The following LDHAL6A variants were observed in gnomAD, a reference collection of about 807,000 sequenced individuals.
LDHAL6A encodes the protein lactate dehydrogenase A like 6A.
Under a neutral mutation model 28.2 loss-of-function variants are expected in LDHAL6A, and 19 were observed. The ratio of observed to expected loss-of-function variants is 0.67; its 90% CI spans 0.47 to 0.99. The LOEUF is 0.99. LDHAL6A is among the 50% of genes least tolerant of loss of function. The pLI is 0.00. For synonymous variants in LDHAL6A, 144 were observed against 134.4 expected, an observed-to-expected ratio of 1.07 and a Z score of -0.49; for missense variants, 372 against 398.6, an observed-to-expected ratio of 0.93 and a Z score of 0.57.
intron 1 of LDHAL6A, among the ~76,000 whole-genome samples, chr11:18,461,198 G>A (rs1347618044): frequency 6.6e-6 from 1 of 150,846 alleles, no homozygotes; most frequent in Non-Finnish European, 1.5e-5. Flanking sequence ...AGGCTGGAGT[G>A]CAGTGGCGCG....
intron 1 of LDHAL6A, 52 bp downstream of exon 1, chr11:18,456,858 A>G (rs1424514056): frequency 9.5e-6 from 15 of 1,577,574 alleles, no homozygotes; most frequent in African/African-American, 1.4e-5. Flanking sequence ...AGGCGAGGCC[A>G]CAGCGTATGG....
At chr11:18,466,862 C>T (rs185655088) in intron 3 of LDHAL6A, among the ~76,000 whole-genome samples, 7 of 152,164 alleles carry the variant, frequency 4.6e-5, no homozygotes, top group African/African-American at 9.6e-5. Context: ...AAATAGACTT[C>T]GGAGATAAAA....
chr11:18,471,042 C>A (rs1191395095), intron 3 of LDHAL6A, among the ~76,000 whole-genome samples: 1 of 151,918 alleles, frequency 6.6e-6, no homozygotes, highest in Non-Finnish European at 1.5e-5. Flanking sequence ...TATTTTCAGA[C>A]TTTTAGTTTA....
chr11:18,460,858 A>G (rs1848883667), intron 1 of LDHAL6A, among the ~76,000 whole-genome samples: 1 of 152,044 alleles, frequency 6.6e-6, no homozygotes. Flanking sequence ...TTTTTCTGAG[A>G]GGGAGTCTCA....
chr11:18,476,550 A>T, intron 5 of LDHAL6A, 49 bp downstream of exon 5: 1 of 1,595,094 alleles, frequency 6.3e-7, no homozygotes, highest in Non-Finnish European at 8.5e-7. Flanking sequence ...TGTGAGCCTG[A>T]ACTCTGTTAG....
intron 1 of LDHAL6A, among the ~76,000 whole-genome samples, chr11:18,459,950 A>G (rs866416908): frequency 1.3e-5 from 2 of 152,262 alleles, no homozygotes; most frequent in African/African-American, 4.8e-5. Context: ...AGGAAGACAT[A>G]GGAATAAAGT....
At position 18,478,816 on chromosome 11, in the gene LDHAL6A, C is replaced by CTT; in HGVS notation, c.946_947dup (p.Leu316PhefsTer22). On this transcript the variant is annotated frameshift_variant, in exon 7 of 7. Transcript: ENST00000280706. LOFTEE classifies it high-confidence loss of function. ...AACTGACTCTTGAAGAGGAGGCCTGCTTGCAAAAGAGTGCAGAAACACTTT... is the reference window on the plus strand; with the variant it reads ...AACTGACTCTTGAAGAGGAGGCCTGCTTTTGCAAAAGAGTGCAGAAACACTTT... The CTT allele has an allele frequency of 6.2e-7, 1 of 1,613,916 alleles. No homozygotes were observed. Among genetic ancestry groups the CTT allele is most frequent in the Non-Finnish European group, 8.5e-7 (1 of 1,179,970 alleles).
At chr11:18,463,172 G>A (rs564698185) in intron 1 of LDHAL6A, among the ~76,000 whole-genome samples, 3 of 152,238 alleles carry the variant, frequency 2.0e-5, no homozygotes, top group African/African-American at 7.2e-5. Context: ...TCCTCAATGT[G>A]GCAGTATTGA....
intron 3 of LDHAL6A, chr11:18,469,137 A>G: frequency 1.8e-6 from 1 of 562,662 alleles, no homozygotes; most frequent in South Asian, 2.3e-5. Context: ...AGCTGTGGAG[A>G]GATTCTGATA....
intron 2 of LDHAL6A, among the ~76,000 whole-genome samples, chr11:18,464,977 G>GTTTTTGTTTTT (rs1849014791): frequency 8.0e-6 from 1 of 125,564 alleles, no homozygotes; most frequent in African/African-American, 3.4e-5. Flanking sequence ...TGTTTTTTTT[G>GTTTTTGTTTTT]TTTTTTTTTG....
chr11:18,473,388 G>GACA (rs1849294570), intron 3 of LDHAL6A, among the ~76,000 whole-genome samples: 4 of 149,528 alleles, frequency 2.7e-5, no homozygotes, highest in African/African-American at 9.8e-5. Flanking sequence ...AAGGTAGGTA[G>GACA]GTAGACAGAC....
chr11:18,466,944 C>T (rs1296364833), intron 3 of LDHAL6A, among the ~76,000 whole-genome samples: 1 of 152,070 alleles, frequency 6.6e-6, no homozygotes, highest in Non-Finnish European at 1.5e-5. Context: ...GAGAGTTTTT[C>T]CTTTGAGTAA....
In LDHAL6A at chr11:18,479,542, TACAC is replaced by T. The variant is rs149139443; in HGVS notation, c.*682_*685del. 2.6e-5 allele frequency: 4 copies of T among 151,768 alleles called. No individual in the cohort carries two copies. Among genetic ancestry groups the T allele is most frequent in the African/African-American group, 4.8e-5 (2 of 41,320 alleles). 9.4% of individuals were successfully genotyped at this position (151,768 alleles called of 1,614,324 possible). ...ATGTAAAAATAAAAGTGTATATATA[TACAC>T]ACACACACAGAGAGTAATCTAAATG... On this transcript the variant is annotated 3_prime_UTR_variant, in exon 7 of 7. Coordinates refer to ENST00000280706, the MANE Select transcript of LDHAL6A (RefSeq NM_144972.5).
At position 18,476,476 on chromosome 11, in the gene LDHAL6A, A is replaced by G. The variant is rs2133891744; in HGVS notation, c.685A>G (p.Asn229Asp). Reference protein sequence around the residue: ...GTDKDPEQWENVHKKVISSGY... With the variant: ...GTDKDPEQWEDVHKKVISSGY... Reference sequence around the variant, plus strand: ...TGATAAAGATCCTGAGCAGTGGGAAAATGTCCACAAAAAAGTGATTTCCAG... The same window carrying G: ...TGATAAAGATCCTGAGCAGTGGGAAGATGTCCACAAAAAAGTGATTTCCAG... The change falls in exon 5 of 7, where the codon AAT (asparagine) becomes GAT (aspartate). Residue 229 changes from asparagine (N) to aspartate (D), a missense_variant. Asn to Asp is a conservative substitution (Grantham distance 23). Coordinates refer to ENST00000280706, the MANE Select transcript of LDHAL6A (RefSeq NM_144972.5). The G allele has an allele frequency of 3.1e-6, 5 of 1,613,852 alleles. No homozygotes were observed. In the African/African-American group the frequency reaches 5.3e-5, roughly 17 times the overall value.
chr11:18,466,903 TGA>T (rs757002326), intron 3 of LDHAL6A, among the ~76,000 whole-genome samples: 2 of 152,150 alleles, frequency 1.3e-5, no homozygotes, highest in South Asian at 2.1e-4. Context: ...TTATGTCTAG[TGA>T]GAGAAAGGGA....
intron 3 of LDHAL6A, among the ~76,000 whole-genome samples, chr11:18,472,764 T>C (rs1323264869): frequency 1.3e-5 from 2 of 152,140 alleles, no homozygotes; most frequent in Non-Finnish European, 2.9e-5. Context: ...CAAGAACAAA[T>C]AGATTTTTCA....
intron 1 of LDHAL6A, among the ~76,000 whole-genome samples, chr11:18,460,183 C>T (rs1848861746): frequency 1.3e-5 from 2 of 152,144 alleles, no homozygotes; most frequent in Admixed American, 1.3e-4. Flanking sequence ...GCCTGTAATC[C>T]TGCACTTTGG....
At chr11:18,475,336 G>A (rs1455369924) in intron 3 of LDHAL6A, 130 bp from the exon 4 acceptor site, 1 of 699,754 alleles carries the variant, frequency 1.4e-6, no homozygotes, top group African/African-American at 1.8e-5. Context: ...GTATAGCTGG[G>A]GTTGGATAGA....
chr11:18,457,690 A>G (rs967642074), intron 1 of LDHAL6A, among the ~76,000 whole-genome samples: 1 of 152,126 alleles, frequency 6.6e-6, no homozygotes, highest in Non-Finnish European at 1.5e-5. Context: ...CACACACGTG[A>G]AAACCAACAC....
Sources: gnomAD v4.1 joint callset for allele counts (sites outside exome capture counted in the v4.1 genomes callset) on GRCh38, gnomAD v4.1.1 for gene constraint, MANE v1.5 for transcripts, NCBI Gene and HGNC (gene_info 2026-07-23, HGNC 2026-07-21) for gene names.